Variants in UBR3 observed in about 807,000 individuals in gnomAD.
The protein encoded by UBR3 is ubiquitin protein ligase E3 component n-recognin 3.
Under a neutral mutation model 243.2 loss-of-function variants are expected in UBR3, and 85 were observed. The observed-to-expected ratio is 0.35, with a 90% CI of 0.29 to 0.42. UBR3 has a LOEUF of 0.42. UBR3 is among the 10% of genes least tolerant of loss of function. The pLI is 1.00. For synonymous variants in UBR3, 748 were observed against 799.8 expected, an observed-to-expected ratio of 0.94 and a Z score of 1.09; for missense variants, 1,686 against 2,300.8, an observed-to-expected ratio of 0.73 and a Z score of 5.47.
intron 1 of UBR3, among the ~76,000 whole-genome samples, chr2:169,830,009 G>T (rs919220762): frequency 6.6e-6 from 1 of 151,502 alleles, no homozygotes; most frequent in African/African-American, 2.4e-5. Flanking sequence ...GCATTTTTTG[G>T]TTATCTTAGA....
chr2:170,049,112 C>T (rs2091157691), intron 32 of UBR3, among the ~76,000 whole-genome samples: 1 of 152,182 alleles, frequency 6.6e-6, no homozygotes, highest in Non-Finnish European at 1.5e-5. Context: ...ATCCACTGCA[C>T]ATATTTTTTG....
intron 1 of UBR3, among the ~76,000 whole-genome samples, chr2:169,867,176 A>G (rs2083290223): frequency 6.6e-6 from 1 of 152,212 alleles, no homozygotes; most frequent in South Asian, 2.1e-4. Context: ...AAGTAGAAGT[A>G]TATCATATCA....
chr2:169,897,157 T>C (rs2084623032), intron 8 of UBR3, among the ~76,000 whole-genome samples: 1 of 152,182 alleles, frequency 6.6e-6, no homozygotes, highest in Non-Finnish European at 1.5e-5. Flanking sequence ...ATCATGGCTA[T>C]ACCATAATTT....
chr2:169,912,621 G>T (rs2085298109), intron 10 of UBR3, among the ~76,000 whole-genome samples: 1 of 151,932 alleles, frequency 6.6e-6, no homozygotes, highest in Non-Finnish European at 1.5e-5. Context: ...TAGATATTTG[G>T]GTTGATTCTA....
At chr2:169,948,771 A>G (rs145156637) in intron 22 of UBR3, among the ~76,000 whole-genome samples, 4 of 152,076 alleles carry the variant, frequency 2.6e-5, no homozygotes, top group African/African-American at 9.6e-5. Context: ...CATCCTTTCT[A>G]TGCTCGCTTT....
intron 1 of UBR3, among the ~76,000 whole-genome samples, chr2:169,842,659 C>G (rs958996119): frequency 6.6e-6 from 1 of 152,164 alleles, no homozygotes; most frequent in Admixed American, 6.5e-5. Context: ...AGCTGTAACA[C>G]TCACCGTGAA....
chr2:169,939,238 C>T (rs1038601648), intron 19 of UBR3, among the ~76,000 whole-genome samples: 2 of 150,602 alleles, frequency 1.3e-5, no homozygotes. Context: ...CATTCTTATT[C>T]TTTTTTCCTC....
intron 29 of UBR3, chr2:170,014,093 G>A: frequency 3.5e-6 from 1 of 287,404 alleles, no homozygotes; most frequent in Admixed American, 4.3e-5. Flanking sequence ...CGTTATCGGT[G>A]TTAAATTGCT....
intron 10 of UBR3, among the ~76,000 whole-genome samples, chr2:169,907,127 C>T (rs1294380387): frequency 6.7e-6 from 1 of 150,090 alleles, no homozygotes; most frequent in African/African-American, 2.5e-5. Flanking sequence ...ACCTCCATCT[C>T]CCAGGTTTAA....
chr2:170,018,598 G>A (rs1409314115), intron 30 of UBR3, among the ~76,000 whole-genome samples: 1 of 152,154 alleles, frequency 6.6e-6, no homozygotes, highest in Non-Finnish European at 1.5e-5. Flanking sequence ...TTCCAGCAGT[G>A]AATTTCCTAG....
chr2:169,911,080 G>A (rs1426003234), intron 10 of UBR3, among the ~76,000 whole-genome samples: 1 of 152,110 alleles, frequency 6.6e-6, no homozygotes, highest in Non-Finnish European at 1.5e-5. Flanking sequence ...TGCACTGAAT[G>A]CTATTTGATT....
At chr2:170,029,501 T>A (rs1559200993) in intron 31 of UBR3, 53 bp downstream of exon 31, 1 of 1,379,394 alleles carries the variant, frequency 7.2e-7, no homozygotes, top group Non-Finnish European at 1.0e-6. Flanking sequence ...GAAAAACAGG[T>A]GTTAAATATA....
chr2:169,842,216 A>G (rs568908719), intron 1 of UBR3, among the ~76,000 whole-genome samples: 11 of 152,260 alleles, frequency 7.2e-5, no homozygotes, highest in South Asian at 6.2e-4. Context: ...GAGTGCACCA[A>G]TCGACACTCT....
intron 10 of UBR3, among the ~76,000 whole-genome samples, chr2:169,909,221 G>T (rs938068941): frequency 4.6e-5 from 7 of 152,094 alleles, no homozygotes; most frequent in African/African-American, 1.7e-4. Context: ...GCAGGTATTC[G>T]CAGATCATGT....
rs576424223 is a variant in UBR3 at position 169,883,866 on chromosome 2, C to T, written c.1038+5292C>T. Among the ~76,000 whole-genome samples the T allele has an allele frequency of 1.4e-4, 21 of 152,308 alleles. No homozygotes were observed. In the South Asian group the frequency reaches 4.4e-3, roughly 32 times the overall value. On this transcript the variant is annotated intron_variant, in intron 5 of 38. Transcript: ENST00000272793. ...TTATTTATTTTGAGACAGAGTCTTACTCTTTTGCCCAGGCTGGAGTGTAGT... is the reference window on the plus strand; with the variant it reads ...TTATTTATTTTGAGACAGAGTCTTATTCTTTTGCCCAGGCTGGAGTGTAGT...
intron 8 of UBR3, 68 bp downstream of exon 8, chr2:169,896,803 T>C: frequency 9.3e-7 from 1 of 1,069,768 alleles, no homozygotes; most frequent in Non-Finnish European, 1.3e-6. Flanking sequence ...ATTAGTGTAC[T>C]TCATATACTT....
Position 169,827,700 on chromosome 2 carries a change from C to G in UBR3, c.193C>G (p.Leu65Val), listed in dbSNP as rs1031402004. 3.7e-5 allele frequency: 45 copies of G among 1,214,998 alleles called. No homozygotes were observed. Among genetic ancestry groups the G allele is most frequent in the Non-Finnish European group, 4.3e-5 (42 of 980,636 alleles). The allele number at this position is 1,214,998 out of a possible 1,614,324, so 75.3% of individuals were successfully genotyped here. ...LERVLSAERP[L>V]AAAAGGEDAA... is the part of the protein sequence containing the mutation. The stretch of plus-strand genomic sequence containing the variant: ...GCGGGTGCTGAGCGCCGAGCGGCCG[C>G]TGGCCGCGGCTGCCGGCGGCGAGGA... The change falls in exon 1 of 39, where the codon CTG becomes GTG. Residue 65 changes from leucine (L) to valine (V), a missense_variant. Physicochemically the swap from Leu to Val is conservative, Grantham distance 32. Coordinates refer to ENST00000272793, the MANE Select transcript of UBR3 (RefSeq NM_172070.4).
At chr2:169,936,228 T>G (rs540911373) in intron 19 of UBR3, among the ~76,000 whole-genome samples, 1 of 152,064 alleles carries the variant, frequency 6.6e-6, no homozygotes, top group Non-Finnish European at 1.5e-5. Flanking sequence ...CCCGGCTAAT[T>G]TTGTATTTTC....
intron 8 of UBR3, among the ~76,000 whole-genome samples, chr2:169,899,094 T>C (rs966061061): frequency 1.3e-5 from 2 of 152,048 alleles, no homozygotes; most frequent in Non-Finnish European, 2.9e-5. Context: ...TTCTCCTGCC[T>C]CAGCCTCCCG....
Sources: gnomAD v4.1 joint callset for allele counts (sites outside exome capture counted in the v4.1 genomes callset) on GRCh38, gnomAD v4.1.1 for gene constraint, MANE v1.5 for transcripts, NCBI Gene and HGNC (gene_info 2026-07-23, HGNC 2026-07-21) for gene names.